Variants in OXSR1 observed in about 807,000 individuals in gnomAD.
OXSR1 encodes serine/threonine-protein kinase OSR1.
OXSR1 carries 24 observed loss-of-function variants against 79.8 expected under a neutral mutation model. That is an observed-to-expected ratio of 0.30 (90% CI 0.22 to 0.42). OXSR1 has a LOEUF of 0.42. Ranked by LOEUF, OXSR1 falls within the 10% of genes least tolerant of loss-of-function variation. The pLI is 1.00. For synonymous variants in OXSR1, 226 were observed against 209.2 expected (o/e 1.08, Z -0.69); for missense variants, 430 against 618.4 (o/e 0.70, Z 3.23).
At chr3:38,229,515 G>A (rs932398121) in intron 8 of OXSR1, among the ~76,000 whole-genome samples, 172 bp from the exon 9 acceptor site, 4 of 151,884 alleles carry the variant, frequency 2.6e-5, no homozygotes, top group African/African-American at 9.7e-5. Flanking sequence ...TTTATTCAAT[G>A]TCCTGTATCA....
intron 1 of OXSR1, among the ~76,000 whole-genome samples, chr3:38,169,278 G>A (rs910726534): frequency 6.6e-6 from 1 of 151,624 alleles, no homozygotes; most frequent in Admixed American, 6.6e-5. Context: ...TTGTCCACTT[G>A]GACTGCCCAT....
intron 4 of OXSR1, 55 bp downstream of exon 4, chr3:38,198,918 T>C (rs1215149522): frequency 1.4e-6 from 2 of 1,470,412 alleles, no homozygotes; most frequent in South Asian, 1.2e-5. Context: ...CCATTCCCAC[T>C]CTTTTACAGA....
At chr3:38,233,809 G>A (rs1396383891) in intron 10 of OXSR1, among the ~76,000 whole-genome samples, 1 of 152,110 alleles carries the variant, frequency 6.6e-6, no homozygotes, top group Non-Finnish European at 1.5e-5. Flanking sequence ...CTGCTCAGGA[G>A]GCTGAGGCAG....
rs1702480887 is a variant in OXSR1 at position 38,216,260 on chromosome 3, A to T, written c.490+109A>T. ...CTCTCCTGTTCCCTGGACCATCTCTATTCAAGCATCCTCTGTTGGCATGTC... is the reference window on the plus strand; with the variant it reads ...CTCTCCTGTTCCCTGGACCATCTCTTTTCAAGCATCCTCTGTTGGCATGTC... On this transcript the variant is annotated intron_variant, in intron 5 of 17. Transcript: ENST00000311806. 6 of 682,830 alleles carry T rather than the reference A, an allele frequency of 8.8e-6. No individual in the cohort carries two copies. The South Asian group carries it at 1.0e-4, about 11-fold the overall frequency. 42.3% of individuals were successfully genotyped at this position (682,830 alleles called of 1,614,324 possible).
chr3:38,242,729 T>G lies in OXSR1; in HGVS notation c.1075-14T>G. 2 of 1,532,578 alleles carry G rather than the reference T, an allele frequency of 1.3e-6. No homozygotes were observed. The highest frequency in any genetic ancestry group is 1.8e-6 in the Non-Finnish European group (2 of 1,121,824). 94.9% of individuals were successfully genotyped at this position (1,532,578 alleles called of 1,614,324 possible). A position where few individuals can be genotyped will look rare whatever the true frequency, so the allele number is the denominator to read the frequency against. ...GTTGTGAGTTAACAATCATCCTTTT[T>G]GTATTTCGTTTAGTCTCCCCGAGTG... On this transcript the variant is annotated splice_polypyrimidine_tract_variant and intron_variant, in intron 11 of 17. Transcript: ENST00000311806.
intron 4 of OXSR1, among the ~76,000 whole-genome samples, chr3:38,213,696 G>A (rs183761153): frequency 2.0e-4 from 31 of 152,220 alleles, no homozygotes; most frequent in African/African-American, 4.8e-4. Context: ...CAACTTTTAC[G>A]TAAATCTGAA....
chr3:38,254,326 G>T lies in OXSR1; in HGVS notation c.*1435G>T. The T allele has an allele frequency of 5.0e-6, 2 of 397,974 alleles. No homozygotes were observed. Among genetic ancestry groups the T allele is most frequent in the Non-Finnish European group, 8.9e-6 (2 of 225,642 alleles). 24.7% of individuals were successfully genotyped at this position (397,974 alleles called of 1,614,324 possible). ...TGAAAACCTTCCCCACAAATAACTT[G>T]TCACACCTTTTGTTTCATTCTGAGT... is the stretch of plus-strand genomic sequence containing the variant. On this transcript the variant is annotated 3_prime_UTR_variant, in exon 18 of 18. Coordinates refer to ENST00000311806, the MANE Select transcript of OXSR1 (RefSeq NM_005109.3).
intron 2 of OXSR1, among the ~76,000 whole-genome samples, chr3:38,187,624 C>G (rs1344140313): frequency 2.6e-5 from 4 of 151,986 alleles, no homozygotes; most frequent in African/African-American, 9.7e-5. Context: ...AAAAAAAAGG[C>G]TTCAGAAAGC....
intron 10 of OXSR1, among the ~76,000 whole-genome samples, chr3:38,232,086 G>A (rs1045761812): frequency 1.2e-4 from 18 of 151,784 alleles, no homozygotes; most frequent in Admixed American, 7.2e-4. Context: ...CAGCCTGGGC[G>A]ACAGAGCAAG....
At chr3:38,221,503 T>C in intron 5 of OXSR1, 75 bp from the exon 6 acceptor site, 1 of 794,136 alleles carries the variant, frequency 1.3e-6, no homozygotes, top group Non-Finnish European at 2.2e-6. Context: ...GGATGTTCAC[T>C]ACATTGTATT....
chr3:38,253,101 TC>T lies in OXSR1; in HGVS notation c.*212del. ...CACTAGTGGCCAGCATCCCCAGAGTTCCGTTAGTAAACTTACTTCATATGTC... is the reference window on the plus strand; with the variant it reads ...CACTAGTGGCCAGCATCCCCAGAGTTCGTTAGTAAACTTACTTCATATGTC... On this transcript the variant is annotated 3_prime_UTR_variant, in exon 18 of 18. Transcript: ENST00000311806. 3.5e-6 allele frequency: 2 copies of T among 569,176 alleles called. No homozygotes were observed. The highest frequency in any genetic ancestry group is 4.6e-4 in the Middle Eastern group (1 of 2,166). The allele number at this position is 569,176 out of a possible 1,614,324, so 35.3% of individuals were successfully genotyped here. A position where few individuals can be genotyped will look rare whatever the true frequency, so the allele number is the denominator to read the frequency against.
chr3:38,251,317 G>A lies in OXSR1; in HGVS notation c.1376-86G>A, dbSNP rs1051117481. On this transcript the variant is annotated intron_variant, in intron 15 of 17. Coordinates refer to ENST00000311806, the MANE Select transcript of OXSR1 (RefSeq NM_005109.3). ...TTAGCATCCAGCTTGGGCCTAGCAT[G>A]GCACACTGACACCCACATGAGCTGT... 6 of 1,088,284 alleles carry A rather than the reference G, an allele frequency of 5.5e-6. No homozygotes were observed. In the African/African-American group the frequency reaches 7.7e-5, roughly 14 times the overall value. The allele number at this position is 1,088,284 out of a possible 1,614,324, so 67.4% of individuals were successfully genotyped here.
chr3:38,226,191 T>G (rs570845479), intron 8 of OXSR1, among the ~76,000 whole-genome samples: 6 of 152,050 alleles, frequency 3.9e-5, no homozygotes, highest in Non-Finnish European at 5.9e-5. Context: ...AATGCCCCAC[T>G]GTAATAAGGT....
intron 4 of OXSR1, among the ~76,000 whole-genome samples, chr3:38,209,053 G>A (rs1365947991): frequency 1.3e-5 from 2 of 152,052 alleles, no homozygotes; most frequent in Non-Finnish European, 2.9e-5. Context: ...TCCATGTTGT[G>A]ATTACTCATT....
In OXSR1 at chr3:38,165,571, A is replaced by AGAGGGGCTGGGGTGGAGGGCGGGACC; in HGVS notation, c.-295_-294insGTGGAGGGCGGGACCGAGGGGCTGGG. ...GTGGGGCTGGGGTGGAGGGCGGGAC[A>AGAGGGGCTGGGGTGGAGGGCGGGACC]GAGGGGCTGGGCCCAGGCAAAGCTT... On this transcript the variant is annotated 5_prime_UTR_variant, in exon 1 of 18. Coordinates refer to ENST00000311806, the MANE Select transcript of OXSR1 (RefSeq NM_005109.3). 1.6e-5 allele frequency: 6 copies of AGAGGGGCTGGGGTGGAGGGCGGGACC among 376,134 alleles called. No homozygotes were observed. The highest frequency in any genetic ancestry group is 9.6e-6 in the Non-Finnish European group (2 of 207,972). The allele number at this position is 376,134 out of a possible 1,614,324, so 23.3% of individuals were successfully genotyped here.
At chr3:38,199,691 AGT>A (rs1157701962) in intron 4 of OXSR1, among the ~76,000 whole-genome samples, 1 of 152,196 alleles carries the variant, frequency 6.6e-6, no homozygotes, top group Non-Finnish European at 1.5e-5. Flanking sequence ...GAGCCCTTGC[AGT>A]GCTTTTCTAG....
intron 5 of OXSR1, among the ~76,000 whole-genome samples, chr3:38,221,240 G>A (rs969963321): frequency 6.6e-6 from 1 of 151,872 alleles, no homozygotes; most frequent in African/African-American, 2.4e-5. Flanking sequence ...TGATATGTGG[G>A]GGTGGAGAGG....
At chr3:38,203,925 G>T (rs1271712447) in intron 4 of OXSR1, among the ~76,000 whole-genome samples, 1 of 152,204 alleles carries the variant, frequency 6.6e-6, no homozygotes, top group Non-Finnish European at 1.5e-5. Flanking sequence ...TTTCATGGCA[G>T]TCATTTTACC....
chr3:38,223,670 G>C (rs1437833232), intron 6 of OXSR1, 142 bp from the exon 7 acceptor site: 10 of 489,534 alleles, frequency 2.0e-5, no homozygotes, highest in Non-Finnish European at 3.3e-5. Flanking sequence ...GGCCGGTCTT[G>C]AACTCCCAAC....
Sources: gnomAD v4.1 joint callset for allele counts (sites outside exome capture counted in the v4.1 genomes callset) on GRCh38, gnomAD v4.1.1 for gene constraint, MANE v1.5 for transcripts, NCBI Gene and HGNC (gene_info 2026-07-23, HGNC 2026-07-21) for gene names.